DNMT1: variants seen among roughly 807,000 people sequenced by gnomAD.
The protein encoded by DNMT1 is DNA (cytosine-5)-methyltransferase 1.
Under a neutral mutation model 205.3 loss-of-function variants are expected in DNMT1, and 24 were observed. The ratio of observed to expected loss-of-function variants is 0.12; its 90% CI spans 0.08 to 0.16. The LOEUF is 0.16. DNMT1 is among the 10% of genes least tolerant of loss of function. DNMT1 has a pLI of 1.00. For synonymous variants in DNMT1, 817 were observed against 839.8 expected (o/e 0.97, Z 0.47); for missense variants, 1,293 against 2,177.7 (o/e 0.59, Z 8.09).
chr19:10,194,753 G>T (rs1050178569), intron 1 of DNMT1, 67 bp downstream of exon 1: 1 of 1,520,040 alleles, frequency 6.6e-7, no homozygotes, highest in Non-Finnish European at 8.8e-7. Flanking sequence ...CACCCCGAGG[G>T]GAAGCGACCC....
In DNMT1 at chr19:10,151,351, T is replaced by C; in HGVS notation, c.2265+47A>G. On this transcript the variant is annotated intron_variant, in intron 24 of 40. Transcript: ENST00000359526. The surrounding 1 kb of genome is among the most constrained non-coding windows in gnomAD (Gnocchi z 5.0). Reference sequence around the variant, plus strand: ...GGCGAGATACTAGAGGGCAACCTGCTTATTGGGAACATGGCAGTGAGCTGA... The same window carrying C: ...GGCGAGATACTAGAGGGCAACCTGCCTATTGGGAACATGGCAGTGAGCTGA... The C allele has an allele frequency of 6.2e-7, 1 of 1,606,476 alleles. No homozygotes were observed. Among genetic ancestry groups the C allele is most frequent in the Non-Finnish European group, 8.5e-7 (1 of 1,179,950 alleles).
chr19:10,149,185 C>T (rs1471765355), intron 26 of DNMT1, among the ~76,000 whole-genome samples, 168 bp from the exon 27 acceptor site: 4 of 147,934 alleles, frequency 2.7e-5, no homozygotes, highest in African/African-American at 5.0e-5. Flanking sequence ...ATTAGCTGGA[C>T]GTGATGGTGG....
At chr19:10,148,307 T>TA (rs1187541217) in intron 27 of DNMT1, among the ~76,000 whole-genome samples, 2 of 150,224 alleles carry the variant, frequency 1.3e-5, no homozygotes, top group Admixed American at 6.6e-5. Context: ...CCATCCTGGC[T>TA]AACACAGTGA....
At chr19:10,184,045 C>T (rs904290983) in intron 1 of DNMT1, among the ~76,000 whole-genome samples, 1 of 152,084 alleles carries the variant, frequency 6.6e-6, no homozygotes, top group Non-Finnish European at 1.5e-5. Flanking sequence ...CAGAGTGAGA[C>T]CCTGACTCAA....
intron 7 of DNMT1, 36 bp downstream of exon 7, chr19:10,175,504 T>C: frequency 6.2e-7 from 1 of 1,610,016 alleles, no homozygotes; most frequent in Non-Finnish European, 8.5e-7. Flanking sequence ...TACACCAAGT[T>C]AAGGTAGAGT....
rs776092085 is a variant in DNMT1 at position 10,156,059 on chromosome 19, T to C, written c.1400-114A>G. On this transcript the variant is annotated intron_variant, in intron 18 of 40. Transcript: ENST00000359526. The surrounding 1 kb of genome is among the most constrained non-coding windows in gnomAD (Gnocchi z 4.2). ...ATCAGCCAGGTCGGGTGCTCCTCAGTCATCACAATGACTTGGCCTACAGCT... is the reference window on the plus strand; with the variant it reads ...ATCAGCCAGGTCGGGTGCTCCTCAGCCATCACAATGACTTGGCCTACAGCT... The C allele has an allele frequency of 1.4e-5, 15 of 1,082,788 alleles. No homozygotes were observed. The highest frequency in any genetic ancestry group is 2.1e-5 in the Non-Finnish European group (15 of 730,834). The allele number at this position is 1,082,788 out of a possible 1,614,324, so 67.1% of individuals were successfully genotyped here. A position where few individuals can be genotyped will look rare whatever the true frequency, so the allele number is the denominator to read the frequency against.
chr19:10,135,944 C>A, intron 38 of DNMT1, 92 bp from the exon 39 acceptor site: 2 of 1,487,862 alleles, frequency 1.3e-6, no homozygotes, highest in Non-Finnish European at 9.0e-7. Context: ...TGACAGCATA[C>A]GGCCATGGCC....
chr19:10,182,314 G>A (rs891402528), intron 1 of DNMT1, among the ~76,000 whole-genome samples: 2 of 151,586 alleles, frequency 1.3e-5, no homozygotes, highest in Non-Finnish European at 2.9e-5. Flanking sequence ...TCATTTTTCT[G>A]ATGATTGTGA....
intron 7 of DNMT1, among the ~76,000 whole-genome samples, chr19:10,175,116 C>T (rs1188066506): frequency 7.1e-6 from 1 of 140,792 alleles, no homozygotes; most frequent in Non-Finnish European, 1.5e-5. Flanking sequence ...CACACACACA[C>T]ACACACACAC....
In DNMT1 at chr19:10,183,078, TGTGTATATATATATACACGTATATATAC is replaced by T. The variant is rs1325269552; in HGVS notation, c.81-1029_81-1002del. 4.5e-3 allele frequency among the ~76,000 whole-genome samples: 669 copies of T among 147,876 alleles called. 6 individuals carry two copies. The highest frequency in any genetic ancestry group is 0.016 in the African/African-American group (628 of 40,038). Reference sequence around the variant, plus strand: ...ATACGTATATATGTATACATATGTGTGTGTATATATATATACACGTATATATACGTGTGTATATATATATATATTTTTT... The same window carrying T: ...ATACGTATATATGTATACATATGTGTGTGTGTATATATATATATATTTTTT... On this transcript the variant is annotated intron_variant, in intron 1 of 40. Coordinates refer to ENST00000359526, the MANE Select transcript of DNMT1 (RefSeq NM_001130823.3).
At chr19:10,169,619 A>T (rs1268395112) in intron 9 of DNMT1, among the ~76,000 whole-genome samples, 2 of 151,626 alleles carry the variant, frequency 1.3e-5, no homozygotes, top group Non-Finnish European at 2.9e-5. Flanking sequence ...AAAAAAAATT[A>T]GCCTGGCGTG....
chr19:10,155,961 G>A lies in DNMT1; in HGVS notation c.1400-16C>T. 1.9e-6 allele frequency: 3 copies of A among 1,610,220 alleles called. No individual in the cohort carries two copies. The highest frequency in any genetic ancestry group is 2.5e-6 in the Non-Finnish European group (3 of 1,178,128). The stretch of plus-strand genomic sequence containing the variant: ...TTAACACCACCTAGAGCAGAAAAAG[G>A]AAATGGACTAAAGGCTCTGACTCAC... On this transcript the variant is annotated splice_polypyrimidine_tract_variant and intron_variant, in intron 18 of 40. Coordinates refer to ENST00000359526, the MANE Select transcript of DNMT1 (RefSeq NM_001130823.3).
intron 2 of DNMT1, among the ~76,000 whole-genome samples, chr19:10,181,264 A>G (rs1467637453): frequency 6.6e-6 from 1 of 152,038 alleles, no homozygotes; most frequent in African/African-American, 2.4e-5. Flanking sequence ...CTGGGGCAAC[A>G]TGACAAAATC....
At chr19:10,135,160 C>A (rs1027175091) in intron 39 of DNMT1, among the ~76,000 whole-genome samples, 2 of 145,604 alleles carry the variant, frequency 1.4e-5, no homozygotes, top group African/African-American at 2.6e-5. Context: ...TTGCGGTGAG[C>A]TGAGATCACG....
At chr19:10,160,230 C>T in intron 14 of DNMT1, 154 bp downstream of exon 14, 1 of 1,508,568 alleles carries the variant, frequency 6.6e-7, no homozygotes, top group Non-Finnish European at 9.0e-7. Context: ...GCAGGGGCAT[C>T]CTGCCTGACG....
Position 10,138,091 on chromosome 19 carries a change from T to G in DNMT1, c.4116-82A>C. On this transcript the variant is annotated intron_variant, in intron 35 of 40. Transcript: ENST00000359526. This position sits in a 1 kb window ranked among gnomAD's most constrained non-coding sequence, Gnocchi z 4.1. ...ATCACAGGTGCCACCCCCTGCCTGC[T>G]CAGATGGCCTTCTCCCGAGATCACA... is the stretch of plus-strand genomic sequence containing the variant. 6.7e-7 allele frequency: 1 copy of G among 1,483,892 alleles called. No individual in the cohort carries two copies. Among genetic ancestry groups the G allele is most frequent in the Non-Finnish European group, 9.2e-7 (1 of 1,090,894 alleles). 91.9% of individuals were successfully genotyped at this position (1,483,892 alleles called of 1,614,324 possible).
At position 10,179,382 on chromosome 19, in the gene DNMT1, G is replaced by A. The variant is rs376038271; in HGVS notation, c.493+805C>T. Among the ~76,000 whole-genome samples the A allele has an allele frequency of 6.6e-5, 10 of 151,272 alleles. 1 individual carries two copies. The South Asian group carries it at 1.7e-3, about 25-fold the overall frequency. Reference sequence around the variant, plus strand: ...GCCCAGGCTGGAATTACAGACACCCGCCACCACGTCTGGCAAATTTTTTGT... The same window carrying A: ...GCCCAGGCTGGAATTACAGACACCCACCACCACGTCTGGCAAATTTTTTGT... On this transcript the variant is annotated intron_variant, in intron 5 of 40. Transcript: ENST00000359526.
At position 10,137,386 on chromosome 19, in the gene DNMT1, G is replaced by C. The variant is rs1599341922; in HGVS notation, c.4294-106C>G. The stretch of plus-strand genomic sequence containing the variant: ...CCATGGTGACCAGGAAGCCCCCTGG[G>C]GCTCACGCCCATCGGGAAAGAGACA... On this transcript the variant is annotated intron_variant, in intron 36 of 40. Transcript: ENST00000359526. This position sits in a 1 kb window ranked among gnomAD's most constrained non-coding sequence, Gnocchi z 6.4. The C allele has an allele frequency of 6.5e-6, 9 of 1,374,294 alleles. 1 individual carries two copies. The East Asian group carries it at 2.3e-4, about 34-fold the overall frequency. 85.1% of individuals were successfully genotyped at this position (1,374,294 alleles called of 1,614,324 possible).
At chr19:10,188,016 C>T (rs1209793300) in intron 1 of DNMT1, among the ~76,000 whole-genome samples, 2 of 152,110 alleles carry the variant, frequency 1.3e-5, no homozygotes, top group African/African-American at 4.8e-5. Context: ...GCAGCATGCA[C>T]CTGTGGTCCT....
Sources: gnomAD v4.1 joint callset for allele counts (sites outside exome capture counted in the v4.1 genomes callset) on GRCh38, gnomAD v4.1.1 for gene constraint, Gnocchi (gnomAD v3.1) non-coding constraint, MANE v1.5 for transcripts, NCBI Gene and HGNC (gene_info 2026-07-23, HGNC 2026-07-21) for gene names.